Variants in GLS observed in about 807,000 individuals in gnomAD.
GLS encodes glutaminase kidney isoform, mitochondrial.
Under a neutral mutation model 86.7 loss-of-function variants are expected in GLS, and 36 were observed. The observed-to-expected ratio is 0.42, with a 90% confidence interval of 0.32 to 0.55. The LOEUF (loss-of-function observed/expected upper bound fraction) is 0.55, where lower values mean the gene tolerates loss of function less well. GLS is among the 20% of genes least tolerant of loss of function. The pLI is 0.17. For missense variants in GLS, 528 were observed against 833.4 expected, an observed-to-expected ratio of 0.63 and a Z score of 4.51; for synonymous variants, 317 against 305.9, an observed-to-expected ratio of 1.04 and a Z score of -0.38.
intron 14 of GLS, chr2:190,932,646 C>A (rs990316901): frequency 1.2e-5 from 14 of 1,188,806 alleles, no homozygotes; most frequent in Non-Finnish European, 3.3e-6. Flanking sequence ...TTGAAAAATA[C>A]CATTTTATAG....
rs578005810 is a variant in GLS, at chr2:190,924,971, G to C, written c.1248+378G>C. 6.6e-6 allele frequency among the ~76,000 whole-genome samples: 1 copy of C among 152,268 alleles called. No individual in the cohort carries two copies. Among genetic ancestry groups the C allele is most frequent in the Non-Finnish European group, 1.5e-5 (1 of 68,016 alleles). On this transcript the variant is annotated intron_variant, in intron 11 of 17. Coordinates refer to ENST00000320717, the MANE Select transcript of GLS (RefSeq NM_014905.5). The surrounding 1 kb of genome is among the most constrained non-coding windows in gnomAD (Gnocchi z 5.2). The stretch of plus-strand genomic sequence containing the variant: ...AAATATAGATGTCTCAGAAATCTTG[G>C]TTCTAGGCCATGAGAAAATACATTT...
At chr2:190,888,507 CTT>C (rs1454401401) in intron 1 of GLS, among the ~76,000 whole-genome samples, 1 of 152,190 alleles carries the variant, frequency 6.6e-6, no homozygotes, top group Non-Finnish European at 1.5e-5. Context: ...TGCTGGCACA[CTT>C]TCCCTGAAAG....
chr2:190,913,375 T>G lies in GLS; in HGVS notation c.1038+3054T>G. The G allele has an allele frequency of 1.0e-6, 1 of 1,001,590 alleles. No homozygotes were observed. The highest frequency in any genetic ancestry group is 1.3e-6 in the Non-Finnish European group (1 of 792,860). The allele number at this position is 1,001,590 out of a possible 1,614,324, so 62.0% of individuals were successfully genotyped here. ...AACAAAGCTATATAGGTAAATACCT[T>G]TTTAAAAACAAATGTAATTTTATAC... is the stretch of plus-strand genomic sequence containing the variant. On this transcript the variant is annotated intron_variant, in intron 7 of 17. Transcript: ENST00000320717. This position sits in a 1 kb window ranked among gnomAD's most constrained non-coding sequence, Gnocchi z 6.1.
intron 12 of GLS, among the ~76,000 whole-genome samples, chr2:190,928,946 A>G (rs1690003967): frequency 1.2e-5 from 1 of 83,670 alleles, no homozygotes; most frequent in African/African-American, 4.0e-5. Flanking sequence ...GTTTTGTGTA[A>G]AAGTACTTTA....
intron 14 of GLS, among the ~76,000 whole-genome samples, chr2:190,942,031 G>T (rs1334008551): frequency 7.7e-6 from 1 of 130,256 alleles, no homozygotes; most frequent in Admixed American, 8.3e-5. Flanking sequence ...TAAGAATTTT[G>T]GACTTTATTC....
chr2:190,884,204 C>T (rs1688301188), intron 1 of GLS, among the ~76,000 whole-genome samples: 1 of 152,160 alleles, frequency 6.6e-6, no homozygotes. Context: ...GCCTTTGTCC[C>T]TTTCCCACTT....
rs545975092 is a variant in GLS, at chr2:190,953,181, T to G, written c.1651-384T>G. Among the ~76,000 whole-genome samples, 1 of 152,340 alleles carries G rather than the reference T, an allele frequency of 6.6e-6. No homozygotes were observed. Among genetic ancestry groups the G allele is most frequent in the South Asian group, 2.1e-4 (1 of 4,832 alleles). ...TAGACATTTATATAGCATGATTTAA[T>G]TTTTAATAATGTGAATTTTATCAGC... is the stretch of plus-strand genomic sequence containing the variant. On this transcript the variant is annotated intron_variant, in intron 14 of 17. Coordinates refer to ENST00000320717, the MANE Select transcript of GLS (RefSeq NM_014905.5). This position sits in a 1 kb window ranked among gnomAD's most constrained non-coding sequence, Gnocchi z 4.0.
intron 7 of GLS, among the ~76,000 whole-genome samples, chr2:190,912,838 A>AT (rs1346464964): frequency 6.6e-6 from 1 of 152,208 alleles, no homozygotes; most frequent in Admixed American, 6.5e-5. Context: ...GGTTCAAACG[A>AT]TAACAATTTA....
At chr2:190,934,733 T>C in intron 14 of GLS, 1 of 973,862 alleles carries the variant, frequency 1.0e-6, no homozygotes, top group Non-Finnish European at 1.2e-6. Flanking sequence ...AGGTTGTTAA[T>C]TTGTGTCACT....
chr2:190,963,747 T>A lies in GLS; in HGVS notation c.*761T>A, dbSNP rs540926464. 2.0e-5 allele frequency: 3 copies of A among 152,706 alleles called. No homozygotes were observed. The East Asian group carries it at 5.8e-4, about 29-fold the overall frequency. 9.5% of individuals were successfully genotyped at this position (152,706 alleles called of 1,614,324 possible). A position where few individuals can be genotyped will look rare whatever the true frequency, so the allele number is the denominator to read the frequency against. On this transcript the variant is annotated 3_prime_UTR_variant, in exon 18 of 18. Transcript: ENST00000320717. ...CTGGCATACTATGCAGTTTTTATGT[T>A]TTCCATAGTAAGTCAGAAAATGCCT...
rs992757933 is a variant in GLS, at chr2:190,912,870, A to G, written c.1038+2549A>G. On this transcript the variant is annotated intron_variant, in intron 7 of 17. Coordinates refer to ENST00000320717, the MANE Select transcript of GLS (RefSeq NM_014905.5). ...TTTATTGGTTTAAAAGTTGTATCTC[A>G]TTTGATAGCAAGTGTTACGTAGTCA... 2.0e-5 allele frequency among the ~76,000 whole-genome samples: 3 copies of G among 152,166 alleles called. No homozygotes were observed. The East Asian group carries it at 5.8e-4, about 29-fold the overall frequency.
At chr2:190,927,662 C>A in intron 12 of GLS, 180 bp downstream of exon 12, 1 of 501,398 alleles carries the variant, frequency 2.0e-6, no homozygotes, top group Non-Finnish European at 3.5e-6. Context: ...ACCAGATGTT[C>A]TTAAGAACTT....
Position 190,913,833 on chromosome 2 carries a change from C to T in GLS, c.1038+3512C>T. ...TTTGTTTTTTAGAGACAAGGTCTCTCTCTGTTGCCCAGTCTAAGTGCAGTG... is the reference window on the plus strand; with the variant it reads ...TTTGTTTTTTAGAGACAAGGTCTCTTTCTGTTGCCCAGTCTAAGTGCAGTG... On this transcript the variant is annotated intron_variant, in intron 7 of 17. Transcript: ENST00000320717. The surrounding 1 kb of genome is among the most constrained non-coding windows in gnomAD (Gnocchi z 6.1). The T allele has an allele frequency of 1.7e-6, 1 of 601,736 alleles. No individual in the cohort carries two copies. Among genetic ancestry groups the T allele is most frequent in the Non-Finnish European group, 2.1e-6 (1 of 479,672 alleles). The allele number at this position is 601,736 out of a possible 1,614,324, so 37.3% of individuals were successfully genotyped here.
At chr2:190,958,124 G>A (rs529779273) in intron 17 of GLS, among the ~76,000 whole-genome samples, 14 of 152,276 alleles carry the variant, frequency 9.2e-5, no homozygotes, top group African/African-American at 3.1e-4. Flanking sequence ...CTTGTTATCG[G>A]TCTATTCAGG....
At chr2:190,929,318 TAAA>T (rs1690022306) in intron 12 of GLS, among the ~76,000 whole-genome samples, 1 of 152,038 alleles carries the variant, frequency 6.6e-6, no homozygotes, top group Non-Finnish European at 1.5e-5. Context: ...TTGTTATATT[TAAA>T]AACAATACGT....
At chr2:190,910,057 T>C (rs976354885) in intron 6 of GLS, among the ~76,000 whole-genome samples, 30 of 152,248 alleles carry the variant, frequency 2.0e-4, no homozygotes, top group Admixed American at 1.7e-3. Flanking sequence ...AAATCCCTTA[T>C]AATTTTATTA....
intron 17 of GLS, among the ~76,000 whole-genome samples, chr2:190,957,773 G>A (rs774266717): frequency 7.9e-5 from 12 of 152,166 alleles, no homozygotes; most frequent in Non-Finnish European, 1.5e-4. Context: ...GATCGTGGTG[G>A]ATAAGCTTTT....
intron 1 of GLS, among the ~76,000 whole-genome samples, chr2:190,887,616 T>C (rs962761927): frequency 2.0e-5 from 3 of 152,124 alleles, no homozygotes; most frequent in Non-Finnish European, 2.9e-5. Flanking sequence ...CTTCAATTCT[T>C]GATGGTAAAC....
chr2:190,953,510 A>G lies in GLS; in HGVS notation c.1651-55A>G. 1 of 1,123,764 alleles carries G rather than the reference A, an allele frequency of 8.9e-7. No individual in the cohort carries two copies. The highest frequency in any genetic ancestry group is 2.3e-5 in the East Asian group (1 of 42,630). 69.6% of individuals were successfully genotyped at this position (1,123,764 alleles called of 1,614,324 possible). Reference sequence around the variant, plus strand: ...GAAATCACTTGCCAGTGACAGGTGGACGTTGTATGTGTTTTCTCTCTCCTA... The same window carrying G: ...GAAATCACTTGCCAGTGACAGGTGGGCGTTGTATGTGTTTTCTCTCTCCTA... On this transcript the variant is annotated intron_variant, in intron 14 of 17. Transcript: ENST00000320717. This position sits in a 1 kb window ranked among gnomAD's most constrained non-coding sequence, Gnocchi z 4.0.
Sources: allele counts gnomAD v4.1 joint callset (sites outside exome capture counted in the v4.1 genomes callset), GRCh38; gene constraint gnomAD v4.1.1; non-coding constraint Gnocchi (gnomAD v3.1); transcripts MANE v1.5; gene names NCBI Gene and HGNC (gene_info 2026-07-23, HGNC 2026-07-21).